The following NEGR1 variants were observed in gnomAD, a reference collection of about 807,000 sequenced individuals.
NEGR1 encodes IgLON family member 4.
NEGR1 carries 10 observed loss-of-function variants against 40.9 expected under a neutral mutation model. The observed-to-expected ratio is 0.24, with a 90% CI of 0.15 to 0.42. The LOEUF (loss-of-function observed/expected upper bound fraction) is 0.42, where lower values mean the gene tolerates loss of function less well. Ranked by LOEUF, NEGR1 falls within the 10% of genes least tolerant of loss-of-function variation. The probability of loss-of-function intolerance (pLI) is 1.00; values close to 1 mark genes in which losing one functional copy is unlikely to be tolerated. For missense variants in NEGR1, 352 were observed against 438.9 expected, an observed-to-expected ratio of 0.80 and a Z score of 1.77; for synonymous variants, 185 against 166.8, an observed-to-expected ratio of 1.11 and a Z score of -0.84.
intron 6 of NEGR1, among the ~76,000 whole-genome samples, chr1:71,567,966 G>T (rs2101488949): frequency 6.6e-6 from 1 of 152,196 alleles, no homozygotes; most frequent in East Asian, 1.9e-4. Flanking sequence ...CAGACTTTCA[G>T]TCTCCAAAAC....
intron 4 of NEGR1, among the ~76,000 whole-genome samples, chr1:71,635,985 CAAAT>C (rs758687470): frequency 2.6e-5 from 4 of 151,900 alleles, no homozygotes; most frequent in Non-Finnish European, 5.9e-5. Flanking sequence ...AAACACTTGA[CAAAT>C]AAACAATAGA....
chr1:71,766,628 G>A (rs1455481040), intron 3 of NEGR1, among the ~76,000 whole-genome samples: 1 of 152,198 alleles, frequency 6.6e-6, no homozygotes, highest in African/African-American at 2.4e-5. Context: ...CCACAAATAA[G>A]TGAATATTTT....
chr1:71,613,592 G>A (rs917017859), intron 4 of NEGR1, among the ~76,000 whole-genome samples: 4 of 151,734 alleles, frequency 2.6e-5, no homozygotes, highest in Non-Finnish European at 5.9e-5. Flanking sequence ...GGGAGGCAGA[G>A]GTTGCAGTGA....
At chr1:72,018,144 G>A (rs950512195) in intron 1 of NEGR1, among the ~76,000 whole-genome samples, 50 of 152,206 alleles carry the variant, frequency 3.3e-4, no homozygotes, top group African/African-American at 1.1e-3. Context: ...GGTCAATATC[G>A]ATGGTTCATA....
At chr1:71,954,805 A>AT (rs1646105464) in intron 1 of NEGR1, among the ~76,000 whole-genome samples, 1 of 152,118 alleles carries the variant, frequency 6.6e-6, no homozygotes. Context: ...ACCAATCCTA[A>AT]TAAAAAGTAC....
chr1:72,174,330 G>A (rs780990376), intron 1 of NEGR1, among the ~76,000 whole-genome samples: 5 of 152,024 alleles, frequency 3.3e-5, no homozygotes, highest in Non-Finnish European at 7.4e-5. Flanking sequence ...AACCTACATT[G>A]ACCTACGGTT....
At position 71,663,583 on chromosome 1, in the gene NEGR1, T is replaced by C. The variant is rs903960234; in HGVS notation, c.667+34425A>G. On this transcript the variant is annotated intron_variant, in intron 4 of 6. Coordinates refer to ENST00000357731, the MANE Select transcript of NEGR1 (RefSeq NM_173808.3). ...CCCATTGAATTATTTTTGCATTTCT[T>C]TTGCTTTTGTCAGTTCATTCAGTTG... 5.3e-5 allele frequency among the ~76,000 whole-genome samples: 8 copies of C among 152,298 alleles called. No homozygotes were observed. The East Asian group carries it at 1.5e-3, about 29-fold the overall frequency.
intron 4 of NEGR1, among the ~76,000 whole-genome samples, chr1:71,639,780 G>T (rs1368368598): frequency 6.6e-6 from 1 of 151,962 alleles, no homozygotes; most frequent in African/African-American, 2.4e-5. Context: ...CAGCATGAAT[G>T]GAGACGTACA....
chr1:71,767,353 C>G (rs1656168516), intron 3 of NEGR1, among the ~76,000 whole-genome samples: 1 of 152,204 alleles, frequency 6.6e-6, no homozygotes, highest in African/African-American at 2.4e-5. Context: ...TTTTGCTACA[C>G]TTTAGCAAAG....
chr1:71,439,401 C>G (rs74548239), intron 6 of NEGR1, among the ~76,000 whole-genome samples: 4,093 of 152,292 alleles, frequency 0.027, 191 homozygotes, highest in African/African-American at 0.093. Context: ...CTGACTCTCT[C>G]ACTCAGGCTG....
intron 2 of NEGR1, among the ~76,000 whole-genome samples, chr1:71,888,220 T>C (rs942216363): frequency 2.0e-5 from 3 of 152,078 alleles, no homozygotes; most frequent in Non-Finnish European, 2.9e-5. Flanking sequence ...GGAGCCAAGA[T>C]GGCTGAATAG....
chr1:72,206,423 T>G (rs1653400674), intron 1 of NEGR1, among the ~76,000 whole-genome samples: 1 of 152,136 alleles, frequency 6.6e-6, no homozygotes, highest in South Asian at 2.1e-4. Context: ...TCAGTGATAT[T>G]AATTTTGCAC....
At chr1:72,263,402 A>G (rs999785740) in intron 1 of NEGR1, among the ~76,000 whole-genome samples, 5 of 151,568 alleles carry the variant, frequency 3.3e-5, no homozygotes, top group Admixed American at 3.3e-4. Flanking sequence ...ATTTTTATTA[A>G]CATCATGTAG....
At chr1:71,592,738 C>T (rs775814254) in intron 6 of NEGR1, 79 bp downstream of exon 6, 3 of 1,107,824 alleles carry the variant, frequency 2.7e-6, no homozygotes, top group Non-Finnish European at 3.9e-6. Flanking sequence ...GAACGTACTC[C>T]ATTCTTAGGT....
chr1:71,855,999 G>A (rs891835435), intron 2 of NEGR1, among the ~76,000 whole-genome samples: 3 of 151,946 alleles, frequency 2.0e-5, no homozygotes, highest in Admixed American at 2.0e-4. Context: ...ACAGTTATGT[G>A]TCTCAGCATG....
intron 2 of NEGR1, among the ~76,000 whole-genome samples, chr1:71,915,152 TAA>T (rs1197383160): frequency 6.6e-6 from 1 of 152,036 alleles, no homozygotes; most frequent in Non-Finnish European, 1.5e-5. Context: ...AAAATAAAAA[TAA>T]AAAGGTTAGC....
intron 6 of NEGR1, among the ~76,000 whole-genome samples, chr1:71,589,288 G>T (rs988151506): frequency 2.0e-5 from 3 of 152,098 alleles, no homozygotes; most frequent in African/African-American, 7.2e-5. Context: ...CACTGAATTT[G>T]CTTGCTTCTG....
At chr1:72,180,836 C>T (rs906495831) in intron 1 of NEGR1, among the ~76,000 whole-genome samples, 2 of 152,088 alleles carry the variant, frequency 1.3e-5, no homozygotes, top group Non-Finnish European at 2.9e-5. Flanking sequence ...CTCAGGGAGG[C>T]TCTGCTTTGT....
intron 3 of NEGR1, among the ~76,000 whole-genome samples, chr1:71,758,441 A>G (rs6697610): frequency 0.073 from 11,066 of 152,118 alleles, 502 homozygotes; most frequent in East Asian, 0.13. Context: ...CACTTGCCCG[A>G]ATCTTAAAGA....
Sources: allele counts gnomAD v4.1 joint callset (sites outside exome capture counted in the v4.1 genomes callset), GRCh38; gene constraint gnomAD v4.1.1; transcripts MANE v1.5; gene names NCBI Gene and HGNC (gene_info 2026-07-23, HGNC 2026-07-21).